NYAP1: variants seen among roughly 807,000 people sequenced by gnomAD.
The protein encoded by NYAP1 is neuronal tyrosine phosphorylated phosphoinositide-3-kinase adaptor 1, also known as neuronal tyrosine-phosphorylated phosphoinositide-3-kinase adapter 1.
NYAP1 carries 20 observed loss-of-function variants against 58.6 expected under a neutral mutation model. That is an observed-to-expected ratio of 0.34 (90% CI 0.24 to 0.50). The LOEUF (loss-of-function observed/expected upper bound fraction) is 0.50, where lower values mean the gene tolerates loss of function less well. Ranked by LOEUF, NYAP1 falls within the 20% of genes least tolerant of loss-of-function variation. The pLI is 0.98. For synonymous variants in NYAP1, 572 were observed against 523.1 expected, an observed-to-expected ratio of 1.09 and a Z score of -1.27; for missense variants, 1,150 against 1,194.5, an observed-to-expected ratio of 0.96 and a Z score of 0.55.
In NYAP1 at chr7:100,488,324, A is replaced by C; in HGVS notation, c.603A>C (p.Arg201=). Residue 201 remains arginine (R), a synonymous_variant, in exon 4 of 7, where the codon CGA becomes CGC. Coordinates refer to ENST00000300179, the MANE Select transcript of NYAP1 (RefSeq NM_173564.4). This position sits in a 1 kb window ranked among gnomAD's most constrained non-coding sequence, Gnocchi z 5.9. ...TTCAGCGCCTCACTAGGGGGTCCCG[A>C]GTAGCTGGGGACCCTGATGTGGGTG... is the stretch of plus-strand genomic sequence containing the variant. ...LPLQRLTRGS[R]VAGDPDVGAQ... is the part of the protein sequence containing the mutation. The C allele has an allele frequency of 6.2e-7, 1 of 1,610,730 alleles. No individual in the cohort carries two copies. The highest frequency in any genetic ancestry group is 1.1e-5 in the South Asian group (1 of 90,788).
chr7:100,487,297 A>G lies in NYAP1; in HGVS notation c.430+115A>G. 1 of 1,162,630 alleles carries G rather than the reference A, an allele frequency of 8.6e-7. No homozygotes were observed. The highest frequency in any genetic ancestry group is 1.1e-6 in the Non-Finnish European group (1 of 869,596). 72.0% of individuals were successfully genotyped at this position (1,162,630 alleles called of 1,614,324 possible). ...CAGGGAAGAACCAAGGAAGTGGAAG[A>G]TTCCATTCTCAAAAGGAATTGGGGG... On this transcript the variant is annotated intron_variant, in intron 3 of 6. Coordinates refer to ENST00000300179, the MANE Select transcript of NYAP1 (RefSeq NM_173564.4). The surrounding 1 kb of genome is among the most constrained non-coding windows in gnomAD (Gnocchi z 4.1).
chr7:100,489,032 G>A lies in NYAP1; in HGVS notation c.1311G>A (p.Gly437=), dbSNP rs1799749486. The A allele has an allele frequency of 6.5e-7, 1 of 1,547,330 alleles. No individual in the cohort carries two copies. The highest frequency in any genetic ancestry group is 8.7e-7 in the Non-Finnish European group (1 of 1,151,364). The change falls in exon 4 of 7, where the codon GGG becomes GGA. Residue 437 remains glycine (G), a synonymous_variant. Coordinates refer to ENST00000300179, the MANE Select transcript of NYAP1 (RefSeq NM_173564.4). ...SHSMICPKAA[G]APAAPPAPAA... is the part of the protein sequence containing the mutation. ...GCATGATCTGCCCTAAGGCGGCGGGGGCGCCGGCAGCCCCCCCTGCCCCGG... is the reference window on the plus strand; with the variant it reads ...GCATGATCTGCCCTAAGGCGGCGGGAGCGCCGGCAGCCCCCCCTGCCCCGG...
Position 100,494,223 on chromosome 7 carries a change from G to T in NYAP1, c.*320G>T. Reference sequence around the variant, plus strand: ...CCAGAGGTCAGCATGGGGAAGGGAGGAAGGAAGGGATGGGAGGAAGAGGGG... The same window carrying T: ...CCAGAGGTCAGCATGGGGAAGGGAGTAAGGAAGGGATGGGAGGAAGAGGGG... On this transcript the variant is annotated 3_prime_UTR_variant, in exon 7 of 7. Transcript: ENST00000300179. 3.3e-6 allele frequency: 1 copy of T among 304,032 alleles called. No individual in the cohort carries two copies. The allele number at this position is 304,032 out of a possible 1,614,324, so 18.8% of individuals were successfully genotyped here.
rs1273423742 is a variant in NYAP1, at chr7:100,485,777, C to G, written c.68+398C>G. Reference sequence around the variant, plus strand: ...TTTCAGGGGCATCAGAGAACATCCACTTGGCCTCCTCCCAGTTTTCCCTGC... The same window carrying G: ...TTTCAGGGGCATCAGAGAACATCCAGTTGGCCTCCTCCCAGTTTTCCCTGC... On this transcript the variant is annotated intron_variant, in intron 2 of 6. Coordinates refer to ENST00000300179, the MANE Select transcript of NYAP1 (RefSeq NM_173564.4). This position sits in a 1 kb window ranked among gnomAD's most constrained non-coding sequence, Gnocchi z 5.7. Among the ~76,000 whole-genome samples the G allele has an allele frequency of 6.6e-6, 1 of 152,220 alleles. No homozygotes were observed. Among genetic ancestry groups the G allele is most frequent in the Non-Finnish European group, 1.5e-5 (1 of 68,032 alleles).
At position 100,489,540 on chromosome 7, in the gene NYAP1, C is replaced by G. The variant is rs760141479; in HGVS notation, c.1819C>G (p.His607Asp). Residue 607 changes from histidine to aspartate, a missense_variant, in exon 4 of 7, where the codon CAC (histidine) becomes GAC (aspartate). By Grantham distance (81) the His-to-Asp change is moderately conservative. Transcript: ENST00000300179. ...TGCTTTTGCCAGCATCTCCTGTGCC[C>G]ACGTCATCGCCAGCGCAGGGACACC... ...GGAFASISCA[H>D]VIASAGTPEE... 6.2e-7 allele frequency: 1 copy of G among 1,613,436 alleles called. No homozygotes were observed. The highest frequency in any genetic ancestry group is 1.1e-5 in the South Asian group (1 of 91,076).
chr7:100,489,074 C>A lies in NYAP1; in HGVS notation c.1353C>A (p.Gly451=). ...CTGCCCCGGCCGCCTTGCTCCCCGG[C>A]CCCCCCAAGGACAAGGCCGTGTCTT... ...APPAPAALLP[G]PPKDKAVSYT... The change falls in exon 4 of 7, where the codon GGC becomes GGA. Residue 451 remains glycine, a synonymous_variant. Transcript: ENST00000300179. 1 of 1,544,248 alleles carries A rather than the reference C, an allele frequency of 6.5e-7. No individual in the cohort carries two copies. Among genetic ancestry groups the A allele is most frequent in the Admixed American group, 2.0e-5 (1 of 50,750 alleles).
Position 100,489,191 on chromosome 7 carries a change from G to A in NYAP1, c.1470G>A (p.Lys490=), listed in dbSNP as rs539821924. ...GTGCTGGGGAGCCAAAGACGGAGAA[G>A]GAGATCTCGGTCCTCCATGGGATGC... ...PLGAGEPKTE[K]EISVLHGMLC... The change falls in exon 4 of 7, where the codon AAG becomes AAA. Residue 490 remains lysine, a synonymous_variant. Transcript: ENST00000300179. The A allele has an allele frequency of 3.1e-6, 5 of 1,610,948 alleles. No individual in the cohort carries two copies. The Admixed American group carries it at 5.0e-5, about 16-fold the overall frequency.
At position 100,487,256 on chromosome 7, in the gene NYAP1, G is replaced by C; in HGVS notation, c.430+74G>C. On this transcript the variant is annotated intron_variant, in intron 3 of 6. Coordinates refer to ENST00000300179, the MANE Select transcript of NYAP1 (RefSeq NM_173564.4). The surrounding 1 kb of genome is among the most constrained non-coding windows in gnomAD (Gnocchi z 4.1). ...ATCTATTCCACGCCCGGGGAGGCTTGCCGGGAGGGTTCATTCAGGGAAGAA... is the reference window on the plus strand; with the variant it reads ...ATCTATTCCACGCCCGGGGAGGCTTCCCGGGAGGGTTCATTCAGGGAAGAA... 2 of 1,404,314 alleles carry C rather than the reference G, an allele frequency of 1.4e-6. No homozygotes were observed. The highest frequency in any genetic ancestry group is 1.9e-6 in the Non-Finnish European group (2 of 1,066,384). 87.0% of individuals were successfully genotyped at this position (1,404,314 alleles called of 1,614,324 possible).
chr7:100,484,554 G>T (rs1584357442), intron 1 of NYAP1, among the ~76,000 whole-genome samples: 1 of 152,208 alleles, frequency 6.6e-6, no homozygotes, highest in East Asian at 1.9e-4. Flanking sequence ...GAGATAGATG[G>T]ATGGGTGGTA....
In NYAP1 at chr7:100,490,956, C is replaced by T. The variant is rs1282354715; in HGVS notation, c.2159-30C>T. The T allele has an allele frequency of 1.3e-5, 18 of 1,408,404 alleles. No homozygotes were observed. Among genetic ancestry groups the T allele is most frequent in the East Asian group, 7.5e-5 (3 of 40,128 alleles). 87.2% of individuals were successfully genotyped at this position (1,408,404 alleles called of 1,614,324 possible). A position where few individuals can be genotyped will look rare whatever the true frequency, so the allele number is the denominator to read the frequency against. ...AGGGGAGGGGTACCTGAGGCCCCTGCACTCCTCACTCCTCCTTCTTCCACC... is the reference window on the plus strand; with the variant it reads ...AGGGGAGGGGTACCTGAGGCCCCTGTACTCCTCACTCCTCCTTCTTCCACC... On this transcript the variant is annotated intron_variant, in intron 5 of 6. Coordinates refer to ENST00000300179, the MANE Select transcript of NYAP1 (RefSeq NM_173564.4). This position sits in a 1 kb window ranked among gnomAD's most constrained non-coding sequence, Gnocchi z 4.6.
chr7:100,491,172 G>A (rs780322596), intron 6 of NYAP1, 77 bp downstream of exon 6: 12 of 989,164 alleles, frequency 1.2e-5, no homozygotes, highest in Non-Finnish European at 1.5e-5. Context: ...GCAATAAAGG[G>A]GCCAGGGCTG....
In NYAP1 at chr7:100,489,171, G is replaced by A. The variant is rs557416601; in HGVS notation, c.1450G>A (p.Gly484Arg). Residue 484 changes from glycine (G) to arginine (R), a missense_variant, in exon 4 of 7, where the codon GGG (glycine) becomes AGG (arginine). Transcript: ENST00000300179. ...VLPAGPPLGA[G>R]EPKTEKEISV... Reference sequence around the variant, plus strand: ...GCCAGCTGGTCCACCCCTGGGTGCTGGGGAGCCAAAGACGGAGAAGGAGAT... The same window carrying A: ...GCCAGCTGGTCCACCCCTGGGTGCTAGGGAGCCAAAGACGGAGAAGGAGAT... The A allele has an allele frequency of 3.1e-6, 5 of 1,610,846 alleles. No homozygotes were observed. Among genetic ancestry groups the A allele is most frequent in the Non-Finnish European group, 4.2e-6 (5 of 1,179,048 alleles).
Position 100,488,699 on chromosome 7 carries a change from C to G in NYAP1, c.978C>G (p.Pro326=). 1 of 1,611,806 alleles carries G rather than the reference C, an allele frequency of 6.2e-7. No homozygotes were observed. Among genetic ancestry groups the G allele is most frequent in the Non-Finnish European group, 8.5e-7 (1 of 1,179,364 alleles). Reference sequence around the variant, plus strand: ...CCACTCCTTGTGAAATCCCCCCGCCCTTCCCCAACCTCCTTCAGCACCGGC... The same window carrying G: ...CCACTCCTTGTGAAATCCCCCCGCCGTTCCCCAACCTCCTTCAGCACCGGC... ...TKTTPCEIPP[P]FPNLLQHRPP... Residue 326 remains proline (P), a synonymous_variant, in exon 4 of 7, where the codon CCC becomes CCG. Transcript: ENST00000300179. The surrounding 1 kb of genome is among the most constrained non-coding windows in gnomAD (Gnocchi z 5.9).
At position 100,488,388 on chromosome 7, in the gene NYAP1, G is replaced by A. The variant is rs370381275; in HGVS notation, c.667G>A (p.Val223Ile). ...EPVYIEMVGDVFRGGGRSGGG... is the reference protein window; with the variant it reads ...EPVYIEMVGDIFRGGGRSGGG... The stretch of plus-strand genomic sequence containing the variant: ...TGTGTACATTGAGATGGTGGGGGAC[G>A]TCTTTAGGGGAGGAGGACGAAGTGG... The change falls in exon 4 of 7, where the codon GTC (valine) becomes ATC (isoleucine). Residue 223 changes from valine to isoleucine, a missense_variant. Transcript: ENST00000300179. This position sits in a 1 kb window ranked among gnomAD's most constrained non-coding sequence, Gnocchi z 5.9. The A allele has an allele frequency of 9.4e-6, 15 of 1,595,442 alleles. No individual in the cohort carries two copies. Among genetic ancestry groups the A allele is most frequent in the African/African-American group, 6.7e-5 (5 of 74,076 alleles).
Position 100,486,888 on chromosome 7 carries a change from G to T in NYAP1, c.136G>T (p.Val46Leu). ...PAAGQGPGVR[V>L]RDIASLRRSL... is the part of the protein sequence containing the mutation. ...GGCCGGCCAGGGGCCTGGGGTCCGCGTGCGGGACATCGCCTCGCTGCGGCG... is the reference window on the plus strand; with the variant it reads ...GGCCGGCCAGGGGCCTGGGGTCCGCTTGCGGGACATCGCCTCGCTGCGGCG... Residue 46 changes from valine to leucine, a missense_variant, in exon 3 of 7, where the codon GTG (valine) becomes TTG (leucine). Val to Leu is a conservative substitution (Grantham distance 32, BLOSUM62 1). Coordinates refer to ENST00000300179, the MANE Select transcript of NYAP1 (RefSeq NM_173564.4). This position sits in a 1 kb window ranked among gnomAD's most constrained non-coding sequence, Gnocchi z 6.2. 3 of 1,567,586 alleles carry T rather than the reference G, an allele frequency of 1.9e-6. No individual in the cohort carries two copies. Among genetic ancestry groups the T allele is most frequent in the Non-Finnish European group, 2.6e-6 (3 of 1,160,140 alleles).
rs769680222 is a variant in NYAP1, at chr7:100,493,632, C to T, written c.2269-14C>T. 15 of 1,557,962 alleles carry T rather than the reference C, an allele frequency of 9.6e-6. No individual in the cohort carries two copies. Among genetic ancestry groups the T allele is most frequent in the African/African-American group, 4.1e-5 (3 of 72,800 alleles). ...CTTACCCGCGTTTTCCTTTCTCCCC[C>T]GCCCGCGGCACAGCCCCACCCCGCG... On this transcript the variant is annotated splice_polypyrimidine_tract_variant and intron_variant, in intron 6 of 6. Coordinates refer to ENST00000300179, the MANE Select transcript of NYAP1 (RefSeq NM_173564.4).
Position 100,485,454 on chromosome 7 carries a change from C to CG in NYAP1, c.68+80dup, listed in dbSNP as rs1799691193. 1 of 1,199,060 alleles carries CG rather than the reference C, an allele frequency of 8.3e-7. No homozygotes were observed. The highest frequency in any genetic ancestry group is 2.2e-5 in the Admixed American group (1 of 46,314). The allele number at this position is 1,199,060 out of a possible 1,614,324, so 74.3% of individuals were successfully genotyped here. ...CCCCTCACTGGGCCACAGCCCTTCT[C>CG]GGGGGCCGGCAGCCTTGTCATGAGT... is the stretch of plus-strand genomic sequence containing the variant. On this transcript the variant is annotated intron_variant, in intron 2 of 6. Transcript: ENST00000300179. This position sits in a 1 kb window ranked among gnomAD's most constrained non-coding sequence, Gnocchi z 5.7.
At position 100,487,663 on chromosome 7, in the gene NYAP1, G is replaced by A. The variant is rs774662369; in HGVS notation, c.430+481G>A. Among the ~76,000 whole-genome samples the A allele has an allele frequency of 6.6e-6, 1 of 152,176 alleles. No homozygotes were observed. Among genetic ancestry groups the A allele is most frequent in the African/African-American group, 2.4e-5 (1 of 41,446 alleles). On this transcript the variant is annotated intron_variant, in intron 3 of 6. Transcript: ENST00000300179. The surrounding 1 kb of genome is among the most constrained non-coding windows in gnomAD (Gnocchi z 4.1). The stretch of plus-strand genomic sequence containing the variant: ...ATTACAGGCGTCCGTCACCACGCCC[G>A]GCTAATTTTTTGTATTTTTAGTAGA...
rs761170386 is a variant in NYAP1 at position 100,489,592 on chromosome 7, C to T, written c.1871C>T (p.Ala624Val). 6.2e-7 allele frequency: 1 copy of T among 1,612,826 alleles called. No individual in the cohort carries two copies. Among genetic ancestry groups the T allele is most frequent in the Non-Finnish European group, 8.5e-7 (1 of 1,179,874 alleles). ...TPEEEEEEVG[A>V]ATFGAGWALQ... ...GAGGAGGAAGAAGAGGAGGTGGGCG[C>T]CGCGACATTTGGGGCAGGCTGGGCC... Residue 624 changes from alanine (A) to valine (V), a missense_variant, in exon 4 of 7, where the codon GCC (alanine) becomes GTC (valine). Physicochemically the swap from Ala to Val is moderately conservative, Grantham distance 64. Coordinates refer to ENST00000300179, the MANE Select transcript of NYAP1 (RefSeq NM_173564.4).
Sources: allele counts gnomAD v4.1 joint callset (sites outside exome capture counted in the v4.1 genomes callset), GRCh38; gene constraint gnomAD v4.1.1; non-coding constraint Gnocchi (gnomAD v3.1); transcripts MANE v1.5; gene names NCBI Gene and HGNC (gene_info 2026-07-23, HGNC 2026-07-21).